The following ME3 variants were observed in gnomAD, a reference collection of about 807,000 sequenced individuals.
ME3 encodes the protein malic enzyme 3.
Under a neutral mutation model 68.9 loss-of-function variants are expected in ME3, and 48 were observed. The observed-to-expected ratio is 0.70, with a 90% confidence interval of 0.55 to 0.89. The LOEUF (loss-of-function observed/expected upper bound fraction) is 0.89, where lower values mean the gene tolerates loss of function less well. ME3 is among the 40% of genes least tolerant of loss of function. The pLI is 0.00. For missense variants in ME3, 675 were observed against 797.4 expected (o/e 0.85, Z 1.85); for synonymous variants, 320 against 318.8 (o/e 1.00, Z -0.04).
intron 2 of ME3, among the ~76,000 whole-genome samples, chr11:86,580,888 C>A (rs886231355): frequency 1.3e-5 from 2 of 152,212 alleles, no homozygotes; most frequent in Admixed American, 1.3e-4. Context: ...TTTGATCAGT[C>A]TACCAAAGTA....
At chr11:86,564,782 T>A (rs557828063) in intron 2 of ME3, among the ~76,000 whole-genome samples, 72 of 152,238 alleles carry the variant, frequency 4.7e-4, no homozygotes, top group African/African-American at 1.7e-3. Flanking sequence ...ATCTTGGATT[T>A]AGCAATAGAT....
intron 8 of ME3, chr11:86,464,007 C>T: frequency 2.7e-6 from 1 of 367,236 alleles, no homozygotes; most frequent in African/African-American, 2.1e-5. Flanking sequence ...GCCCGACATA[C>T]AATAAGCGTT....
rs116471571 is a variant in ME3 at position 86,624,855 on chromosome 11, G to A, written c.183+46907C>T. ...TCTCATGTACCATTGTCAGGACATTGACTTTACTTGGAGAAGAACAGTATT... is the reference window on the plus strand; with the variant it reads ...TCTCATGTACCATTGTCAGGACATTAACTTTACTTGGAGAAGAACAGTATT... On this transcript the variant is annotated intron_variant, in intron 2 of 14. Coordinates refer to ENST00000543262, the Ensembl canonical transcript of ME3. Among the ~76,000 whole-genome samples the A allele has an allele frequency of 3.0e-3, 450 of 152,272 alleles. 2 individuals are homozygous for A. Among genetic ancestry groups the A allele is most frequent in the African/African-American group, 0.011 (440 of 41,554 alleles).
rs537259277 is a variant in ME3, at chr11:86,474,391, C to T, written c.810-9191G>A. On this transcript the variant is annotated intron_variant, in intron 7 of 14. Coordinates refer to ENST00000543262, the Ensembl canonical transcript of ME3. ...TGATTTTCCCTGTTTGTCTGAGTTC[C>T]GGGGCAAGCACACCAAATGGCGCCA... is the stretch of plus-strand genomic sequence containing the variant. 3.9e-5 allele frequency among the ~76,000 whole-genome samples: 6 copies of T among 152,268 alleles called. 1 individual carries two copies. In the South Asian group the frequency reaches 8.3e-4, roughly 21 times the overall value.
intron 6 of ME3, among the ~76,000 whole-genome samples, chr11:86,492,013 G>A (rs1260944529): frequency 6.6e-6 from 1 of 152,220 alleles, no homozygotes; most frequent in East Asian, 1.9e-4. Context: ...TGCTGGTCCT[G>A]GTGGCTGTGG....
chr11:86,560,704 AT>A (rs1957164961), intron 2 of ME3, among the ~76,000 whole-genome samples: 10 of 101,646 alleles, frequency 9.8e-5, no homozygotes, highest in Admixed American at 9.6e-4. Flanking sequence ...ATATAATGAT[AT>A]GTGTGTGTGT....
rs1156846932 is a variant in ME3 at position 86,601,904 on chromosome 11, CG to C, written c.184-42082del. On this transcript the variant is annotated intron_variant, in intron 2 of 14. Transcript: ENST00000543262. ...AAAGGCCTTTGACAAAATTCAACAA[CG>C]CTTCATGCTAAAAACTCTCAATAAA... Among the ~76,000 whole-genome samples the C allele has an allele frequency of 4.2e-5, 6 of 143,770 alleles. No individual in the cohort carries two copies. The East Asian group carries it at 1.0e-3, about 25-fold the overall frequency. The allele number at this position is 143,770 out of a possible 152,430, so 94.3% of individuals were successfully genotyped here. A position where few individuals can be genotyped will look rare whatever the true frequency, so the allele number is the denominator to read the frequency against.
At chr11:86,577,368 G>T (rs1378950966) in intron 2 of ME3, among the ~76,000 whole-genome samples, 1 of 152,186 alleles carries the variant, frequency 6.6e-6, no homozygotes, top group African/African-American at 2.4e-5. Flanking sequence ...TAGATTTCTG[G>T]AGGTTCAGGC....
intron 2 of ME3, among the ~76,000 whole-genome samples, chr11:86,651,923 T>C (rs543728435): frequency 1.3e-5 from 2 of 152,248 alleles, no homozygotes; most frequent in South Asian, 4.2e-4. Flanking sequence ...CTGAAAACCA[T>C]GGCACGAGAA....
chr11:86,551,706 G>GGTAACTCTT (rs1956693711), intron 4 of ME3, among the ~76,000 whole-genome samples: 2 of 152,176 alleles, frequency 1.3e-5, no homozygotes, highest in Admixed American at 1.3e-4. Context: ...TTCAATAAAT[G>GGTAACTCTT]GTAACTCTTA....
intron 13 of ME3, among the ~76,000 whole-genome samples, chr11:86,444,230 C>T (rs1400673161): frequency 1.3e-5 from 2 of 152,020 alleles, no homozygotes; most frequent in Non-Finnish European, 2.9e-5. Flanking sequence ...AGAGAATGGC[C>T]CATGCAAATG....
At chr11:86,549,654 C>T (rs772240551) in intron 4 of ME3, among the ~76,000 whole-genome samples, 3 of 152,192 alleles carry the variant, frequency 2.0e-5, no homozygotes, top group Non-Finnish European at 2.9e-5. Flanking sequence ...TTATTGACAT[C>T]ACATGAGTGG....
intron 4 of ME3, among the ~76,000 whole-genome samples, chr11:86,549,493 C>A (rs541988682): frequency 6.6e-6 from 1 of 152,322 alleles, no homozygotes; most frequent in East Asian, 1.9e-4. Flanking sequence ...GTGGAAAATT[C>A]TTTCTATATG....
At chr11:86,668,625 C>T (rs1274813633) in intron 2 of ME3, among the ~76,000 whole-genome samples, 1 of 152,200 alleles carries the variant, frequency 6.6e-6, no homozygotes, top group South Asian at 2.1e-4. Flanking sequence ...TGAGATTCAT[C>T]ACAGATCACA....
intron 4 of ME3, among the ~76,000 whole-genome samples, chr11:86,523,013 T>C (rs934677804): frequency 1.3e-5 from 2 of 152,182 alleles, no homozygotes; most frequent in African/African-American, 4.8e-5. Flanking sequence ...TCTTTTGCCC[T>C]TCATGACTTT....
intron 2 of ME3, among the ~76,000 whole-genome samples, chr11:86,561,031 A>G (rs1458653745): frequency 1.3e-5 from 2 of 151,964 alleles, no homozygotes; most frequent in Non-Finnish European, 2.9e-5. Context: ...GACCAGGGGT[A>G]CATATAATAA....
Position 86,604,968 on chromosome 11 carries a change from A to G in ME3, c.184-45145T>C, listed in dbSNP as rs542181725. 3.4e-4 allele frequency among the ~76,000 whole-genome samples: 52 copies of G among 152,316 alleles called. No homozygotes were observed. The South Asian group carries it at 9.7e-3, about 29-fold the overall frequency. ...AGTTCCAAAATATTTTTATTACCCT[A>G]AAAAGAAATGCACCACTCATTAAGC... On this transcript the variant is annotated intron_variant, in intron 2 of 14. Transcript: ENST00000543262.
exon 15 of ME3, chr11:86,441,266 C>T: frequency 6.4e-7 from 1 of 1,570,378 alleles, no homozygotes; most frequent in South Asian, 1.2e-5. Context: ...CCATACTAGC[C>T]TCTGAGACTG....
At chr11:86,457,485 A>T in intron 8 of ME3, 1 of 1,034,680 alleles carries the variant, frequency 9.7e-7, no homozygotes, top group East Asian at 7.6e-5. Context: ...TCCTTTGGGA[A>T]GCTATTTCTG....
Sources: allele counts gnomAD v4.1 joint callset (sites outside exome capture counted in the v4.1 genomes callset), GRCh38; gene constraint gnomAD v4.1.1; transcripts MANE v1.5; gene names NCBI Gene and HGNC (gene_info 2026-07-23, HGNC 2026-07-21).